The following ZC3H12B variants were observed in gnomAD, a reference collection of about 807,000 sequenced individuals.
ZC3H12B encodes zinc finger CCCH-type containing 12B.
A neutral mutation model predicts 43.9 loss-of-function variants in ZC3H12B; 7 were observed. The ratio of observed to expected loss-of-function variants is 0.16; its 90% CI spans 0.09 to 0.30. The LOEUF is 0.30. Ranked by LOEUF, ZC3H12B falls within the 10% of genes least tolerant of loss-of-function variation. ZC3H12B has a pLI of 1.00. For synonymous variants in ZC3H12B, 222 were observed against 241.7 expected, an observed-to-expected ratio of 0.92 and a Z score of 0.76; for missense variants, 475 against 670.2, an observed-to-expected ratio of 0.71 and a Z score of 3.22.
chrX:65,103,979 G>T, the ZC3H12B span, among the ~76,000 whole-genome samples: 2 of 111,626 alleles, frequency 1.8e-5, no homozygotes, highest in African/African-American at 6.5e-5. Context: ...TAAGCAAAAA[G>T]AACAAAGCTG....
At chrX:65,380,716 T>A (rs2066424760) in intron 2 of ZC3H12B, among the ~76,000 whole-genome samples, 1 of 111,619 alleles carries the variant, frequency 9.0e-6, no homozygotes, top group Admixed American at 9.6e-5. Flanking sequence ...GAAACCCATC[T>A]CACGGGCAGA....
At chrX:65,305,716 G>A in the ZC3H12B span, among the ~76,000 whole-genome samples, 1 of 111,924 alleles carries the variant, frequency 8.9e-6, no homozygotes, top group East Asian at 2.8e-4. Flanking sequence ...TTGAGTTCCT[G>A]GAGGAACTCC....
chrX:65,220,245 T>G, the ZC3H12B span, among the ~76,000 whole-genome samples: 1 of 111,464 alleles, frequency 9.0e-6, no homozygotes, highest in East Asian at 2.8e-4. Flanking sequence ...CAAAACAGAA[T>G]TTCCCTAAAG....
the ZC3H12B span, among the ~76,000 whole-genome samples, chrX:65,191,723 C>G: frequency 9.3e-6 from 1 of 107,975 alleles, no homozygotes; most frequent in East Asian, 2.9e-4. Context: ...AGCGGTCTAT[C>G]AATTTTGTTG....
chrX:65,237,517 A>C, the ZC3H12B span, among the ~76,000 whole-genome samples: 1 of 108,693 alleles, frequency 9.2e-6, no homozygotes, highest in Admixed American at 9.7e-5. Context: ...AAACAGGGAT[A>C]GTTTGACTTC....
chrX:65,347,539 C>G, the ZC3H12B span, among the ~76,000 whole-genome samples: 3 of 111,979 alleles, frequency 2.7e-5, no homozygotes, highest in African/African-American at 9.8e-5. Flanking sequence ...CAATGAGATA[C>G]CATCTCACAC....
chrX:65,151,797 A>T, the ZC3H12B span, among the ~76,000 whole-genome samples: 1 of 111,663 alleles, frequency 9.0e-6, no homozygotes, highest in Non-Finnish European at 1.9e-5. Context: ...ATTTTTGACC[A>T]ATATCCTTGA....
the ZC3H12B span, among the ~76,000 whole-genome samples, chrX:65,073,429 G>T: frequency 8.9e-6 from 1 of 112,306 alleles, no homozygotes; most frequent in Non-Finnish European, 1.9e-5. Context: ...CAGGGCACCT[G>T]AAGCCACACT....
intron 2 of ZC3H12B, among the ~76,000 whole-genome samples, chrX:65,380,073 C>G (rs1014297232): frequency 1.8e-5 from 2 of 111,871 alleles, no homozygotes; most frequent in Non-Finnish European, 3.8e-5. Context: ...TCTAGCAAGG[C>G]AGGCCAACAT....
At chrX:65,054,568 G>A in the ZC3H12B span, among the ~76,000 whole-genome samples, 7 of 111,521 alleles carry the variant, frequency 6.3e-5, no homozygotes, top group East Asian at 2.8e-4. Flanking sequence ...TTGGCAATGC[G>A]GGCTCTTTTT....
At chrX:65,091,718 C>CA in the ZC3H12B span, among the ~76,000 whole-genome samples, 155 of 110,430 alleles carry the variant, frequency 1.4e-3, 2 homozygotes, top group East Asian at 0.024. Flanking sequence ...CAAGATCATA[C>CA]AAAAAAAACA....
the ZC3H12B span, chrX:65,328,634 G>A: frequency 6.8e-6 from 1 of 146,572 alleles, no homozygotes; most frequent in South Asian, 1.6e-4. Flanking sequence ...ATACATGTTT[G>A]TGTGCTGCAC....
intron 3 of ZC3H12B, among the ~76,000 whole-genome samples, chrX:65,428,776 G>A (rs1486381666): frequency 8.9e-6 from 1 of 112,282 alleles, no homozygotes; most frequent in East Asian, 2.8e-4. Flanking sequence ...CTCAGCCTCA[G>A]CCCAGTTCTG....
At chrX:65,356,359 C>A in the ZC3H12B span, among the ~76,000 whole-genome samples, 1 of 112,265 alleles carries the variant, frequency 8.9e-6, no homozygotes. Flanking sequence ...GAGACACCTA[C>A]TGGCAACATT....
chrX:65,449,980 C>T (rs1434869057), intron 3 of ZC3H12B, among the ~76,000 whole-genome samples: 1 of 110,925 alleles, frequency 9.0e-6, no homozygotes, highest in Non-Finnish European at 1.9e-5. Context: ...AACCAAAAGC[C>T]ACTTGTACCC....
chrX:65,126,904 T>C, the ZC3H12B span, among the ~76,000 whole-genome samples: 327 of 109,994 alleles, frequency 3.0e-3, no homozygotes, highest in Admixed American at 4.8e-3. Context: ...TTTCCTTTTA[T>C]ATTTTGTGTA....
chrX:65,451,897 A>C (rs1013507032), intron 3 of ZC3H12B, among the ~76,000 whole-genome samples: 1 of 111,965 alleles, frequency 8.9e-6, no homozygotes, highest in East Asian at 2.8e-4. Flanking sequence ...GTTCTCTGGC[A>C]GTACAACAAG....
At chrX:65,313,376 A>G in the ZC3H12B span, among the ~76,000 whole-genome samples, 1 of 112,391 alleles carries the variant, frequency 8.9e-6, no homozygotes, top group Admixed American at 9.4e-5. Flanking sequence ...ATAATTTGGG[A>G]AAAATTCTGG....
chrX:65,116,264 A>G, the ZC3H12B span, among the ~76,000 whole-genome samples: 4 of 111,626 alleles, frequency 3.6e-5, no homozygotes, highest in Non-Finnish European at 5.7e-5. Context: ...TCTTCAACAT[A>G]TAGCTTGCCA....
Sources: allele counts gnomAD v4.1 joint callset (sites outside exome capture counted in the v4.1 genomes callset), GRCh38; gene constraint gnomAD v4.1.1; transcripts MANE v1.5; gene names NCBI Gene and HGNC (gene_info 2026-07-23, HGNC 2026-07-21).